Variants in APTX observed in about 807,000 individuals in gnomAD.
The protein encoded by APTX is forkhead-associated domain histidine triad-like protein.
In APTX, 33 loss-of-function variants were observed where a neutral mutation model predicts 42.3. That is an observed-to-expected ratio of 0.78 (90% CI 0.59 to 1.04). The LOEUF (loss-of-function observed/expected upper bound fraction) is 1.04, where lower values mean the gene tolerates loss of function less well. APTX is among the 50% of genes least tolerant of loss of function. The pLI is 0.00. For missense variants in APTX, 421 were observed against 415.1 expected (o/e 1.01, Z -0.12); for synonymous variants, 130 against 146.7 (o/e 0.89, Z 0.82).
intron 1 of APTX, among the ~76,000 whole-genome samples, chr9:33,021,665 C>CA (rs1177578413): frequency 3.6e-4 from 54 of 150,354 alleles, no homozygotes; most frequent in Admixed American, 2.2e-3. Flanking sequence ...TCTGCACATA[C>CA]AAAAAAAAGG....
At chr9:33,016,670 C>T (rs779838019) in intron 1 of APTX, among the ~76,000 whole-genome samples, 4 of 80,118 alleles carry the variant, frequency 5.0e-5, no homozygotes, top group Non-Finnish European at 1.0e-4. Flanking sequence ...GCATTACACT[C>T]CCCCCCCCAT....
At position 32,984,761 on chromosome 9, in the gene APTX, T is replaced by G; in HGVS notation, c.640A>C (p.Lys214Gln). The G allele has an allele frequency of 1.9e-6, 3 of 1,614,202 alleles. No individual in the cohort carries two copies. Among genetic ancestry groups the G allele is most frequent in the Non-Finnish European group, 2.5e-6 (3 of 1,180,030 alleles). The change falls in exon 6 of 8, where the codon AAG (lysine) becomes CAG (glutamine). Residue 214 changes from lysine to glutamine, a missense_variant. Physicochemically the swap from Lys to Gln is moderately conservative, Grantham distance 53. Coordinates refer to ENST00000379817, the MANE Select transcript of APTX (RefSeq NM_001195248.2). ...TCAAGGTGTTCCCTGGCCACAGCCT[T>G]CAGACTGGAAATGGAGGTCCACGGT... ...VLPWTSISSL[K>Q]AVAREHLELL...
At chr9:32,974,066 G>A (rs1828733472) in intron 7 of APTX, among the ~76,000 whole-genome samples, 1 of 151,868 alleles carries the variant, frequency 6.6e-6, no homozygotes, top group Non-Finnish European at 1.5e-5. Flanking sequence ...ATATACACAG[G>A]GTTCCCCCTG....
At chr9:32,977,141 A>C (rs1829608930) in intron 6 of APTX, among the ~76,000 whole-genome samples, 1 of 152,196 alleles carries the variant, frequency 6.6e-6, no homozygotes, top group Non-Finnish European at 1.5e-5. Flanking sequence ...ATTTTCACTT[A>C]AGAGATAAAA....
chr9:32,974,149 G>C (rs1348712756), intron 7 of APTX, among the ~76,000 whole-genome samples: 1 of 152,142 alleles, frequency 6.6e-6, no homozygotes, highest in Non-Finnish European at 1.5e-5. Context: ...ACAAAGAATT[G>C]TCCACAGCTT....
chr9:33,018,972 T>C (rs1444247063), intron 1 of APTX, among the ~76,000 whole-genome samples: 1 of 152,102 alleles, frequency 6.6e-6, no homozygotes, highest in Admixed American at 6.6e-5. Context: ...ACTAAAGAGA[T>C]ATGATAACTC....
intron 6 of APTX, among the ~76,000 whole-genome samples, chr9:32,975,277 G>A (rs1282414741): frequency 6.6e-6 from 1 of 152,110 alleles, no homozygotes; most frequent in Non-Finnish European, 1.5e-5. Context: ...AGCCATTGAA[G>A]GATTTTCAGC....
chr9:32,977,326 A>C (rs1365869964), intron 6 of APTX, among the ~76,000 whole-genome samples: 1 of 151,930 alleles, frequency 6.6e-6, no homozygotes, highest in Non-Finnish European at 1.5e-5. Flanking sequence ...ATCTCTAAAA[A>C]ATTGTTTTAA....
Position 32,974,498 on chromosome 9 carries a change from A to G in APTX, c.834T>C (p.His278=), listed in dbSNP as rs371095360. 2 of 1,611,674 alleles carry G rather than the reference A, an allele frequency of 1.2e-6. No individual in the cohort carries two copies. The highest frequency in any genetic ancestry group is 1.7e-6 in the Non-Finnish European group (2 of 1,178,280). The change falls in exon 7 of 8, where the codon CAT becomes CAC. Residue 278 remains histidine (H), a synonymous_variant. Transcript: ENST00000379817. ...AGTATTCTGTATTGAAAGAATTCCAATGTTTTTTGTTTTTAAGGCAAGGAG... is the reference window on the plus strand; with the variant it reads ...AGTATTCTGTATTGAAAGAATTCCAGTGTTTTTTGTTTTTAAGGCAAGGAG... ...FDSPCLKNKK[H]WNSFNTEYFL...
intron 1 of APTX, among the ~76,000 whole-genome samples, chr9:32,991,155 G>T (rs891602079): frequency 6.6e-6 from 1 of 152,004 alleles, no homozygotes; most frequent in Non-Finnish European, 1.5e-5. Flanking sequence ...CGACCTCCTG[G>T]CCTCAGGTGA....
intron 6 of APTX, among the ~76,000 whole-genome samples, chr9:32,980,598 G>C (rs1349000484): frequency 6.6e-6 from 1 of 152,246 alleles, no homozygotes; most frequent in African/African-American, 2.4e-5. Flanking sequence ...TGTGAAGAAA[G>C]GACGGATAGG....
Position 32,989,801 on chromosome 9 carries a change from G to A in APTX, c.91C>T (p.Pro31Ser), listed in dbSNP as rs1421833029. Reference protein sequence around the residue: ...HLEAVVIGRGPETKITDKKCS... With the variant: ...HLEAVVIGRGSETKITDKKCS... ...TTCTTATCAGTGATCTTGGTCTCTGGGCCACGCCCAATCACAACTGCTTCC... is the reference window on the plus strand; with the variant it reads ...TTCTTATCAGTGATCTTGGTCTCTGAGCCACGCCCAATCACAACTGCTTCC... Residue 31 changes from proline (P) to serine (S), a missense_variant, in exon 2 of 8, where the codon CCA (proline) becomes TCA (serine). Transcript: ENST00000379817. 6.2e-7 allele frequency: 1 copy of A among 1,614,068 alleles called. No homozygotes were observed. The highest frequency in any genetic ancestry group is 1.7e-5 in the Admixed American group (1 of 60,006).
intron 6 of APTX, among the ~76,000 whole-genome samples, chr9:32,977,257 A>G (rs1486617067): frequency 6.6e-6 from 1 of 152,226 alleles, no homozygotes; most frequent in African/African-American, 2.4e-5. Context: ...AGGCTGATGC[A>G]GGTGGATCAC....
At chr9:33,006,689 G>A (rs1321257272) in intron 1 of APTX, among the ~76,000 whole-genome samples, 2 of 152,022 alleles carry the variant, frequency 1.3e-5, no homozygotes, top group African/African-American at 4.8e-5. Context: ...AGAGGGAGAG[G>A]GTTGTGAGGG....
chr9:33,012,676 G>A (rs1056138991), intron 1 of APTX, among the ~76,000 whole-genome samples: 1 of 152,138 alleles, frequency 6.6e-6, no homozygotes, highest in African/African-American at 2.4e-5. Context: ...CCCTAGGGAA[G>A]CCACCCTAGC....
chr9:32,977,633 C>G (rs750183259), intron 6 of APTX, among the ~76,000 whole-genome samples: 2 of 152,120 alleles, frequency 1.3e-5, no homozygotes, highest in Non-Finnish European at 2.9e-5. Flanking sequence ...GAGTTCAAGA[C>G]CAGCCTGGCC....
At chr9:32,983,046 G>A (rs1831065473) in intron 6 of APTX, among the ~76,000 whole-genome samples, 1 of 151,974 alleles carries the variant, frequency 6.6e-6, no homozygotes, top group African/African-American at 2.4e-5. Flanking sequence ...CTGGGCTCAA[G>A]TGATCCTTCC....
At chr9:32,983,583 G>C (rs1315934679) in intron 6 of APTX, among the ~76,000 whole-genome samples, 2 of 152,176 alleles carry the variant, frequency 1.3e-5, no homozygotes, top group African/African-American at 2.4e-5. Context: ...TTTGGTTCAA[G>C]TGGCCAGTAA....
chr9:32,974,061 C>T (rs1381109323), intron 7 of APTX, among the ~76,000 whole-genome samples: 1 of 152,098 alleles, frequency 6.6e-6, no homozygotes, highest in African/African-American at 2.4e-5. Flanking sequence ...TCTACATATA[C>T]ACAGGGTTCC....
Sources: gnomAD v4.1 joint callset for allele counts (sites outside exome capture counted in the v4.1 genomes callset) on GRCh38, gnomAD v4.1.1 for gene constraint, MANE v1.5 for transcripts, NCBI Gene and HGNC (gene_info 2026-07-23, HGNC 2026-07-21) for gene names.